Variants in FRMD4A observed in about 807,000 individuals in gnomAD.
The protein encoded by FRMD4A is FERM domain-containing protein 4A.
FRMD4A carries 29 observed loss-of-function variants against 129.1 expected under a neutral mutation model. The ratio of observed to expected loss-of-function variants is 0.22; its 90% confidence interval spans 0.17 to 0.31. The LOEUF (loss-of-function observed/expected upper bound fraction) is 0.31. Ranked by LOEUF, FRMD4A falls within the 10% of genes least tolerant of loss-of-function variation. The probability of loss-of-function intolerance (pLI) is 1.00; values close to 1 mark genes in which losing one functional copy is unlikely to be tolerated. For missense variants in FRMD4A, 1,272 were observed against 1,375.8 expected, an observed-to-expected ratio of 0.92 and a Z score of 1.19; for synonymous variants, 634 against 571.6, an observed-to-expected ratio of 1.11 and a Z score of -1.56.
At chr10:13,692,845 G>C (rs960242967) in intron 15 of FRMD4A, 1 of 152,052 alleles carries the variant, frequency 6.6e-6, no homozygotes, top group Non-Finnish European at 1.5e-5. Flanking sequence ...ACATCAATCA[G>C]GTTTTTTTCT....
At chr10:13,843,618 C>T (rs1358933593) in intron 3 of FRMD4A, among the ~76,000 whole-genome samples, 1 of 152,182 alleles carries the variant, frequency 6.6e-6, no homozygotes, top group Non-Finnish European at 1.5e-5. Context: ...CTGCCTCAGC[C>T]TCCTGAGTGG....
chr10:14,150,544 C>A (rs966176565), intron 2 of FRMD4A, among the ~76,000 whole-genome samples: 4 of 152,184 alleles, frequency 2.6e-5, no homozygotes, highest in African/African-American at 9.7e-5. Context: ...CCTCTCCCAG[C>A]CTCCCCCAAT....
intron 2 of FRMD4A, among the ~76,000 whole-genome samples, chr10:14,108,296 G>A (rs752383253): frequency 2.0e-5 from 3 of 152,124 alleles, no homozygotes; most frequent in Non-Finnish European, 4.4e-5. Context: ...TTAATTTATG[G>A]GTTGTATTTT....
chr10:13,696,852 G>C (rs1270872712), intron 14 of FRMD4A, among the ~76,000 whole-genome samples: 1 of 152,130 alleles, frequency 6.6e-6, no homozygotes, highest in Admixed American at 6.5e-5. Context: ...GTAAAATGGA[G>C]GTCTTAAAAC....
chr10:14,042,464 A>G (rs1441251731), intron 2 of FRMD4A, among the ~76,000 whole-genome samples: 1 of 152,196 alleles, frequency 6.6e-6, no homozygotes, highest in Non-Finnish European at 1.5e-5. Flanking sequence ...TGTTCAGTGT[A>G]CTCTTGTGGC....
At chr10:13,871,093 C>G (rs1465215193) in intron 2 of FRMD4A, 1 of 159,936 alleles carries the variant, frequency 6.3e-6, no homozygotes, top group Non-Finnish European at 1.4e-5. Context: ...TGGGGCTCCA[C>G]CAGATGTTCC....
chr10:13,810,370 CTTTA>C (rs2093424783), intron 4 of FRMD4A, among the ~76,000 whole-genome samples: 1 of 152,084 alleles, frequency 6.6e-6, no homozygotes, highest in African/African-American at 2.4e-5. Flanking sequence ...TTCATAGTCG[CTTTA>C]TTTCAGTTTA....
chr10:14,015,253 CTTCCTTCCT>C (rs1437924124), intron 2 of FRMD4A, among the ~76,000 whole-genome samples: 2 of 111,994 alleles, frequency 1.8e-5, no homozygotes, highest in Admixed American at 8.8e-5. Context: ...CCCTCCCTCC[CTTCCTTCCT>C]TTCCTTCCTT....
chr10:13,654,412 T>C lies in FRMD4A; in HGVS notation c.3050+4A>G. On this transcript the variant is annotated splice_donor_region_variant and intron_variant, in intron 23 of 24. Coordinates refer to ENST00000357447, the MANE Select transcript of FRMD4A (RefSeq NM_018027.5). ...ACAGTGAAGAACATAGAAGGAGAAC[T>C]CACCCAGTCTGCCAGGTTAGGATGT... 6.3e-7 allele frequency: 1 copy of C among 1,576,212 alleles called. No individual in the cohort carries two copies. The highest frequency in any genetic ancestry group is 8.7e-7 in the Non-Finnish European group (1 of 1,145,358).
rs11258552 is a variant in FRMD4A, at chr10:13,720,171, C to T, written c.760-13058G>A. 0.012 allele frequency among the ~76,000 whole-genome samples: 1,755 copies of T among 152,322 alleles called. 69 individuals carry two copies. The South Asian group carries it at 0.12, about 10-fold the overall frequency. ...TTAAGCAATTCTCCTGCCTCAGCCTCCTGAGTAGCTCAGACTACAGGTGCG... is the reference window on the plus strand; with the variant it reads ...TTAAGCAATTCTCCTGCCTCAGCCTTCTGAGTAGCTCAGACTACAGGTGCG... On this transcript the variant is annotated intron_variant, in intron 12 of 24. Coordinates refer to ENST00000357447, the MANE Select transcript of FRMD4A (RefSeq NM_018027.5).
intron 3 of FRMD4A, among the ~76,000 whole-genome samples, chr10:13,856,624 G>A (rs188246442): frequency 2.0e-5 from 3 of 152,254 alleles, no homozygotes; most frequent in Admixed American, 6.5e-5. Flanking sequence ...GGTCCAGGGC[G>A]CGGGGGTGTG....
At chr10:13,670,847 T>C (rs1170776193) in intron 16 of FRMD4A, among the ~76,000 whole-genome samples, 1 of 152,220 alleles carries the variant, frequency 6.6e-6, no homozygotes, top group Non-Finnish European at 1.5e-5. Flanking sequence ...AGTGAACAGA[T>C]ATTTCCTGCC....
At chr10:14,197,270 C>T (rs986681246) in intron 2 of FRMD4A, among the ~76,000 whole-genome samples, 14 of 152,112 alleles carry the variant, frequency 9.2e-5, no homozygotes, top group Admixed American at 5.2e-4. Context: ...AGGGGAACCA[C>T]GTGATAACTT....
intron 2 of FRMD4A, among the ~76,000 whole-genome samples, chr10:13,881,896 G>A (rs1232845310): frequency 6.6e-6 from 1 of 151,458 alleles, no homozygotes; most frequent in African/African-American, 2.4e-5. Context: ...TGCGTCCCAG[G>A]CAGGAAAGGG....
intron 2 of FRMD4A, among the ~76,000 whole-genome samples, chr10:13,993,975 G>A (rs1017507745): frequency 4.6e-5 from 7 of 151,308 alleles, no homozygotes; most frequent in Non-Finnish European, 1.0e-4. Context: ...CAAGCCTGGG[G>A]CAGGGGAGAA....
At chr10:13,674,805 C>T in intron 16 of FRMD4A, 106 bp downstream of exon 16, 1 of 1,276,574 alleles carries the variant, frequency 7.8e-7, no homozygotes, top group Non-Finnish European at 1.1e-6. Context: ...TCAAAACGAT[C>T]AAATGACATC....
At chr10:13,690,864 G>A (rs2085620280) in intron 15 of FRMD4A, among the ~76,000 whole-genome samples, 2 of 152,156 alleles carry the variant, frequency 1.3e-5, no homozygotes, top group Admixed American at 1.3e-4. Flanking sequence ...GTGTACAGAT[G>A]GATTAAGCAG....
intron 3 of FRMD4A, among the ~76,000 whole-genome samples, chr10:13,837,394 G>C (rs2093893457): frequency 6.6e-6 from 1 of 152,206 alleles, no homozygotes; most frequent in African/African-American, 2.4e-5. Context: ...TGGGCCTCGA[G>C]TGCTGGCCTC....
intron 2 of FRMD4A, among the ~76,000 whole-genome samples, chr10:14,118,028 G>A (rs1838292034): frequency 6.6e-6 from 1 of 152,122 alleles, no homozygotes; most frequent in Non-Finnish European, 1.5e-5. Flanking sequence ...TTAGAGGATG[G>A]GGTGAGGCCT....
Sources: allele counts gnomAD v4.1 joint callset (sites outside exome capture counted in the v4.1 genomes callset), GRCh38; gene constraint gnomAD v4.1.1; transcripts MANE v1.5; gene names NCBI Gene and HGNC (gene_info 2026-07-23, HGNC 2026-07-21).